EIPR1: variants seen among roughly 807,000 people sequenced by gnomAD.
The protein encoded by EIPR1 is EARP and GARP complex-interacting protein 1.
Under a neutral mutation model 48.1 loss-of-function variants are expected in EIPR1, and 25 were observed. The ratio of observed to expected loss-of-function variants is 0.52; its 90% CI spans 0.38 to 0.73. The LOEUF (loss-of-function observed/expected upper bound fraction) is 0.73, where lower values mean the gene tolerates loss of function less well. EIPR1 is among the 30% of genes least tolerant of loss of function. The pLI, the probability that EIPR1 is intolerant of heterozygous loss-of-function variation, is 0.00. For missense variants in EIPR1, 415 were observed against 506.2 expected (o/e 0.82, Z 1.73); for synonymous variants, 204 against 201.9 (o/e 1.01, Z -0.09).
At chr2:3,296,913 A>AAGTCTCTCCG (rs1668618676) in intron 3 of EIPR1, among the ~76,000 whole-genome samples, 1 of 152,256 alleles carries the variant, frequency 6.6e-6, no homozygotes, top group Admixed American at 6.5e-5. Flanking sequence ...GTCTAGGACC[A>AAGTCTCTCCG]AGTCTCTCCG....
intron 3 of EIPR1, among the ~76,000 whole-genome samples, chr2:3,322,235 T>C (rs965633248): frequency 6.6e-6 from 1 of 152,164 alleles, no homozygotes; most frequent in Non-Finnish European, 1.5e-5. Flanking sequence ...TAAAGCAGCG[T>C]TGAAACTGCA....
chr2:3,246,452 T>A (rs1666796557), intron 4 of EIPR1, among the ~76,000 whole-genome samples: 1 of 152,166 alleles, frequency 6.6e-6, no homozygotes, highest in Non-Finnish European at 1.5e-5. Flanking sequence ...GCCCTTTTCT[T>A]TTCTTCTGAT....
chr2:3,208,577 T>G, intron 5 of EIPR1: 1 of 1,550,636 alleles, frequency 6.4e-7, no homozygotes, highest in Non-Finnish European at 8.7e-7. Flanking sequence ...AAGTCCTTAT[T>G]ACCCTCTCCA....
At chr2:3,243,596 A>C (rs1158571812) in intron 4 of EIPR1, among the ~76,000 whole-genome samples, 2 of 152,154 alleles carry the variant, frequency 1.3e-5, no homozygotes, top group Non-Finnish European at 2.9e-5. Flanking sequence ...GCGCCACTGC[A>C]CTCCAGCCTG....
At chr2:3,192,832 C>A (rs1664656124) in intron 7 of EIPR1, among the ~76,000 whole-genome samples, 1 of 150,448 alleles carries the variant, frequency 6.6e-6, no homozygotes, top group East Asian at 2.0e-4. Context: ...GAGGAGAAGG[C>A]TTATCACGCA....
At chr2:3,364,078 A>G (rs572269165) in intron 1 of EIPR1, among the ~76,000 whole-genome samples, 26 of 152,342 alleles carry the variant, frequency 1.7e-4, no homozygotes, top group African/African-American at 6.0e-4. Flanking sequence ...ATAAATTAGT[A>G]CAGTCATTAT....
intron 3 of EIPR1, among the ~76,000 whole-genome samples, chr2:3,258,287 A>T (rs1667226340): frequency 6.6e-6 from 1 of 152,252 alleles, no homozygotes; most frequent in South Asian, 2.1e-4. Flanking sequence ...AATATGATAA[A>T]TTTTTTAAAA....
intron 4 of EIPR1, among the ~76,000 whole-genome samples, chr2:3,257,085 G>A (rs1667179916): frequency 1.3e-5 from 2 of 152,378 alleles, no homozygotes; most frequent in Non-Finnish European, 2.9e-5. Context: ...AGAGGAGAAA[G>A]TGGGGATGCA....
intron 3 of EIPR1, among the ~76,000 whole-genome samples, chr2:3,334,892 T>G (rs1669999415): frequency 6.6e-6 from 1 of 152,240 alleles, no homozygotes; most frequent in South Asian, 2.1e-4. Flanking sequence ...AAGCCACGAC[T>G]GGAAATCACG....
chr2:3,269,664 A>G (rs34685493), intron 3 of EIPR1, among the ~76,000 whole-genome samples: 78,619 of 115,814 alleles, frequency 0.68, 27,897 homozygotes, highest in East Asian at 0.8. Context: ...CTCAATCATC[A>G]CACTCAATCA....
intron 3 of EIPR1, among the ~76,000 whole-genome samples, chr2:3,298,920 C>T (rs373763905): frequency 6.6e-6 from 1 of 152,110 alleles, no homozygotes; most frequent in African/African-American, 2.4e-5. Context: ...TCGTCTGACT[C>T]GGTGTTAACT....
intron 4 of EIPR1, among the ~76,000 whole-genome samples, chr2:3,232,937 A>G (rs896772220): frequency 7.9e-5 from 12 of 152,236 alleles, no homozygotes; most frequent in Admixed American, 1.3e-4. Flanking sequence ...CTCTGAGTAA[A>G]ACACAAGAAG....
chr2:3,358,409 G>T (rs775845854), intron 1 of EIPR1, among the ~76,000 whole-genome samples: 8 of 152,110 alleles, frequency 5.3e-5, no homozygotes, highest in Non-Finnish European at 2.9e-5. Context: ...AACTTCAACA[G>T]CTAAAATACA....
intron 3 of EIPR1, chr2:3,319,445 C>T (rs1669422625): frequency 6.0e-6 from 1 of 166,424 alleles, no homozygotes; most frequent in Non-Finnish European, 1.3e-5. Flanking sequence ...ATCATCTTCA[C>T]GGTCATCTTC....
At chr2:3,360,997 C>A (rs992847963) in intron 1 of EIPR1, among the ~76,000 whole-genome samples, 15 of 152,162 alleles carry the variant, frequency 9.9e-5, no homozygotes, top group African/African-American at 3.6e-4. Flanking sequence ...GGAAAGGGGG[C>A]AAAGTCCTAA....
At chr2:3,345,200 G>A (rs1558311882) in intron 2 of EIPR1, among the ~76,000 whole-genome samples, 1 of 152,190 alleles carries the variant, frequency 6.6e-6, no homozygotes, top group Non-Finnish European at 1.5e-5. Context: ...TGGTAGCAGA[G>A]AACGGGGCTG....
rs560860609 is a variant in EIPR1 at position 3,286,601 on chromosome 2, G to T, written c.260-29146C>A. Among the ~76,000 whole-genome samples, 2 of 152,350 alleles carry T rather than the reference G, an allele frequency of 1.3e-5. No homozygotes were observed. Among genetic ancestry groups the T allele is most frequent in the Admixed American group, 6.5e-5 (1 of 15,306 alleles). On this transcript the variant is annotated intron_variant, in intron 3 of 8. Transcript: ENST00000382125. This position sits in a 1 kb window ranked among gnomAD's most constrained non-coding sequence, Gnocchi z 4.2. ...CATAAGCACTTGTCATATGTCATATGCAGTGTGCTCCAGGGGAGCAGGGGA... is the reference window on the plus strand; with the variant it reads ...CATAAGCACTTGTCATATGTCATATTCAGTGTGCTCCAGGGGAGCAGGGGA...
chr2:3,274,334 C>T, intron 3 of EIPR1: 1 of 1,550,450 alleles, frequency 6.4e-7, no homozygotes, highest in Middle Eastern at 1.7e-4. Flanking sequence ...AAGACAGAAA[C>T]TTACAGGTTG....
rs1439300096 is a variant in EIPR1 at position 3,343,414 on chromosome 2, G to A, written c.127-5265C>T. Among the ~76,000 whole-genome samples, 3 of 152,294 alleles carry A rather than the reference G, an allele frequency of 2.0e-5. No individual in the cohort carries two copies. In the East Asian group the frequency reaches 5.8e-4, roughly 29 times the overall value. ...TAAGGTGAGTGCAAAAGATTACCAG[G>A]GCCCAAAAGAAAGACCCATTAACAC... On this transcript the variant is annotated intron_variant, in intron 2 of 8. Transcript: ENST00000382125.
Sources: allele counts gnomAD v4.1 joint callset (sites outside exome capture counted in the v4.1 genomes callset), GRCh38; gene constraint gnomAD v4.1.1; non-coding constraint Gnocchi (gnomAD v3.1); transcripts MANE v1.5; gene names NCBI Gene and HGNC (gene_info 2026-07-23, HGNC 2026-07-21).